The following MBP variants were observed in gnomAD, a reference collection of about 807,000 sequenced individuals.
MBP encodes Golli-MBP.
A neutral mutation model predicts 35.8 loss-of-function variants in MBP; 16 were observed. The ratio of observed to expected loss-of-function variants is 0.45; its 90% CI spans 0.30 to 0.68. MBP has a LOEUF of 0.68. MBP is among the 30% of genes least tolerant of loss of function. The pLI, the probability that MBP is intolerant of heterozygous loss-of-function variation, is 0.08. For missense variants in MBP, 380 were observed against 404.7 expected (o/e 0.94, Z 0.52); for synonymous variants, 143 against 159.6 (o/e 0.90, Z 0.78).
intron 2 of MBP, among the ~76,000 whole-genome samples, chr18:77,098,305 T>C (rs1195501732): frequency 6.6e-6 from 1 of 151,954 alleles, no homozygotes; most frequent in Admixed American, 6.6e-5. Flanking sequence ...GTTATCATCG[T>C]ATCATGTTAC....
intron 3 of MBP, among the ~76,000 whole-genome samples, chr18:77,060,476 G>A (rs1283170850): frequency 1.9e-5 from 2 of 107,310 alleles, no homozygotes; most frequent in South Asian, 2.5e-4. Context: ...TTTATGAGGC[G>A]GAGTTTTGCT....
intron 2 of MBP, among the ~76,000 whole-genome samples, chr18:77,070,648 T>G (rs1398196719): frequency 6.6e-6 from 1 of 152,202 alleles, no homozygotes; most frequent in Admixed American, 6.5e-5. Context: ...AGCCTTGACC[T>G]CTAACCCTTA....
chr18:76,982,704 C>T (rs1420970836), intron 8 of MBP: 1 of 152,196 alleles, frequency 6.6e-6, no homozygotes, highest in African/African-American at 2.4e-5. Flanking sequence ...CTGTCCTCTC[C>T]ATCTGCCTGC....
At chr18:77,036,772 G>A (rs1226476722) in intron 3 of MBP, among the ~76,000 whole-genome samples, 1 of 142,690 alleles carries the variant, frequency 7.0e-6, no homozygotes, top group African/African-American at 2.7e-5. Flanking sequence ...GCAAGTGCTG[G>A]TCACATTTTG....
intron 2 of MBP, among the ~76,000 whole-genome samples, chr18:77,076,502 G>A (rs1042541935): frequency 4.6e-5 from 7 of 152,238 alleles, no homozygotes; most frequent in African/African-American, 7.2e-5. Flanking sequence ...AGGCGGCACC[G>A]TCGCTGCTGA....
intron 2 of MBP, among the ~76,000 whole-genome samples, chr18:77,094,278 G>C (rs1277872926): frequency 6.6e-6 from 1 of 152,212 alleles, no homozygotes. Flanking sequence ...CCAGCCTAAA[G>C]TTTCTCTTTA....
chr18:76,998,135 C>T (rs1165633749), intron 4 of MBP, among the ~76,000 whole-genome samples: 1 of 152,258 alleles, frequency 6.6e-6, no homozygotes, highest in African/African-American at 2.4e-5. Context: ...CCCTCTCCAG[C>T]TTCCCGAACT....
intron 2 of MBP, among the ~76,000 whole-genome samples, chr18:77,079,665 T>C (rs1041213889): frequency 2.6e-5 from 4 of 152,208 alleles, no homozygotes; most frequent in African/African-American, 9.6e-5. Context: ...ATAATAAATA[T>C]TATTCCTATT....
At chr18:77,083,963 T>TA (rs1975088474) in intron 2 of MBP, among the ~76,000 whole-genome samples, 1 of 152,118 alleles carries the variant, frequency 6.6e-6, no homozygotes, top group African/African-American at 2.4e-5. Context: ...TTGTACACCT[T>TA]AAGTGGGTGA....
At chr18:77,047,194 C>T (rs182629014) in intron 3 of MBP, among the ~76,000 whole-genome samples, 10 of 152,358 alleles carry the variant, frequency 6.6e-5, no homozygotes, top group African/African-American at 1.9e-4. Flanking sequence ...GCCAAGGCTC[C>T]GGCAGTAGGA....
intron 7 of MBP, chr18:76,985,390 A>G: frequency 8.0e-7 from 1 of 1,243,198 alleles, no homozygotes; most frequent in Non-Finnish European, 1.0e-6. Flanking sequence ...ATTTGCACAG[A>G]TTGGATTCTG....
At position 77,069,954 on chromosome 18, in the gene MBP, G is replaced by C. The variant is rs568048210; in HGVS notation, c.52-3569C>G. Among the ~76,000 whole-genome samples, 3 of 152,254 alleles carry C rather than the reference G, an allele frequency of 2.0e-5. No homozygotes were observed. The South Asian group carries it at 6.2e-4, about 32-fold the overall frequency. On this transcript the variant is annotated intron_variant, in intron 2 of 8. Transcript: ENST00000355994. ...TAGGTCATACAGGGACACAGGACGC[G>C]TGCAGAAAGTACATACGGGCCTGGG...
At chr18:76,997,784 G>A (rs1188853937) in intron 4 of MBP, among the ~76,000 whole-genome samples, 4 of 151,018 alleles carry the variant, frequency 2.6e-5, no homozygotes, top group Non-Finnish European at 5.9e-5. Context: ...CCGGGTTCAC[G>A]CCACTCTCCT....
At chr18:77,009,823 T>G in intron 4 of MBP, 5 of 1,550,966 alleles carry the variant, frequency 3.2e-6, no homozygotes, top group Non-Finnish European at 4.4e-6. Flanking sequence ...CTGGCCCCGA[T>G]GGGTGAGGAC....
At chr18:77,054,219 C>A (rs1348747024) in intron 3 of MBP, among the ~76,000 whole-genome samples, 2 of 152,236 alleles carry the variant, frequency 1.3e-5, no homozygotes, top group African/African-American at 4.8e-5. Flanking sequence ...TGGACATCAC[C>A]TTGAGCCTCA....
intron 3 of MBP, among the ~76,000 whole-genome samples, chr18:77,051,191 T>C (rs904270697): frequency 2.0e-5 from 3 of 152,196 alleles, no homozygotes; most frequent in East Asian, 3.8e-4. Flanking sequence ...TGGGAAATGA[T>C]TGCATTGTAG....
chr18:77,066,887 C>T (rs1461797924), intron 2 of MBP, among the ~76,000 whole-genome samples: 1 of 152,218 alleles, frequency 6.6e-6, no homozygotes, highest in East Asian at 1.9e-4. Flanking sequence ...GGGGAGGAAG[C>T]GGCCTGTTGT....
In MBP at chr18:77,043,864, C is replaced by T. The variant is rs147913337; in HGVS notation, c.139+22434G>A. 3.0e-3 allele frequency among the ~76,000 whole-genome samples: 459 copies of T among 152,236 alleles called. 1 individual carries two copies. The highest frequency in any genetic ancestry group is 5.0e-3 in the Admixed American group (76 of 15,302). On this transcript the variant is annotated intron_variant, in intron 3 of 8. Coordinates refer to ENST00000355994, the MANE Select transcript of MBP (RefSeq NM_001025101.2). ...TCCACAAATGCTACTCACATGCCCA[C>T]ACGTGTAGGGCAGGACTGTCACGCG...
intron 2 of MBP, among the ~76,000 whole-genome samples, chr18:77,099,652 G>C (rs953135360): frequency 7.2e-5 from 11 of 152,226 alleles, no homozygotes; most frequent in Admixed American, 3.3e-4. Context: ...CCTCGGGCAG[G>C]CCCGGCCCAG....
Sources: gnomAD v4.1 joint callset for allele counts (sites outside exome capture counted in the v4.1 genomes callset) on GRCh38, gnomAD v4.1.1 for gene constraint, MANE v1.5 for transcripts, NCBI Gene and HGNC (gene_info 2026-07-23, HGNC 2026-07-21) for gene names.